ADAM18: variants seen among roughly 807,000 people sequenced by gnomAD.
ADAM18 encodes the protein ADAM metallopeptidase domain 18.
In ADAM18, 117 loss-of-function variants were observed where a neutral mutation model predicts 94.4. The observed-to-expected ratio is 1.24, with a 90% CI of 1.07 to 1.45. The LOEUF is 1.45. Among genes scored for constraint, ADAM18 ranks in the 40% most tolerant of loss-of-function variants. The pLI, the probability that ADAM18 is intolerant of heterozygous loss-of-function variation, is 0.00. For missense variants in ADAM18, 936 were observed against 880.0 expected (o/e 1.06, Z -0.81); for synonymous variants, 327 against 291.6 (o/e 1.12, Z -1.24).
At chr8:39,610,903 G>GTAT (rs1451981586) in intron 6 of ADAM18, 197 bp downstream of exon 6, 1 of 1,232,808 alleles carries the variant, frequency 8.1e-7, no homozygotes, top group Non-Finnish European at 1.0e-6. Context: ...ATTTTATGAT[G>GTAT]TATTATGTAA....
Position 39,606,317 on chromosome 8 carries a change from T to A in ADAM18, c.143T>A (p.Ile48Asn). 4 of 1,550,076 alleles carry A rather than the reference T, an allele frequency of 2.6e-6. No homozygotes were observed. The highest frequency in any genetic ancestry group is 3.5e-6 in the Non-Finnish European group (4 of 1,139,824). Residue 48 changes from isoleucine to asparagine, a missense_variant, in exon 3 of 20, where the codon ATC (isoleucine) becomes AAC (asparagine). Ile to Asn is a moderately radical substitution (Grantham distance 149). Coordinates refer to ENST00000265707, the MANE Select transcript of ADAM18 (RefSeq NM_014237.3). ...SEVSERKMIY[I>N]ITIDGQPYTL... ...TGTGTTTTATTTTAGATGATTTACATCATTACAATTGATGGACAACCTTAC... is the reference window on the plus strand; with the variant it reads ...TGTGTTTTATTTTAGATGATTTACAACATTACAATTGATGGACAACCTTAC...
Position 39,584,617 on chromosome 8 carries a change from T to C in ADAM18, c.-6T>C, listed in dbSNP as rs1162330687. On this transcript the variant is annotated 5_prime_UTR_variant, in exon 1 of 20. Transcript: ENST00000265707. ...TTGGCTGTGGCTCCTGCGCTCTGGCTGAGCCATGTTCCTTCTCCTCGCCCT... is the reference window on the plus strand; with the variant it reads ...TTGGCTGTGGCTCCTGCGCTCTGGCCGAGCCATGTTCCTTCTCCTCGCCCT... 8 of 1,612,792 alleles carry C rather than the reference T, an allele frequency of 5.0e-6. No homozygotes were observed. The highest frequency in any genetic ancestry group is 6.8e-6 in the Non-Finnish European group (8 of 1,180,018).
intron 10 of ADAM18, among the ~76,000 whole-genome samples, chr8:39,640,837 C>T (rs1472903627): frequency 6.7e-6 from 1 of 149,360 alleles, no homozygotes; most frequent in Non-Finnish European, 1.5e-5. Flanking sequence ...TGAGAAGTGT[C>T]TGTTCTTGTC....
chr8:39,589,979 T>C (rs550591538), intron 2 of ADAM18, among the ~76,000 whole-genome samples: 1 of 147,880 alleles, frequency 6.8e-6, no homozygotes, highest in South Asian at 2.2e-4. Context: ...ACTTTTACAC[T>C]GTTGGTGGGA....
At chr8:39,645,952 T>C (rs796320056) in intron 11 of ADAM18, among the ~76,000 whole-genome samples, 6 of 152,264 alleles carry the variant, frequency 3.9e-5, no homozygotes, top group African/African-American at 1.4e-4. Flanking sequence ...GTAATACTTA[T>C]TCCTATTAAA....
At chr8:39,611,060 C>G in intron 6 of ADAM18, 1 of 1,021,588 alleles carries the variant, frequency 9.8e-7, no homozygotes. Context: ...CTGAACATAT[C>G]TTTCTAAAAT....
intron 7 of ADAM18, among the ~76,000 whole-genome samples, chr8:39,635,123 G>A (rs904871023): frequency 6.6e-6 from 1 of 152,170 alleles, no homozygotes; most frequent in Non-Finnish European, 1.5e-5. Context: ...ACAGCAAGAA[G>A]GCCCTCACCA....
intron 18 of ADAM18, among the ~76,000 whole-genome samples, chr8:39,707,282 C>G (rs1487170640): frequency 6.6e-6 from 1 of 152,180 alleles, no homozygotes; most frequent in East Asian, 1.9e-4. Context: ...GCCTCTCCAG[C>G]AATTTTTCTG....
At chr8:39,620,825 G>C (rs1163113250) in intron 6 of ADAM18, among the ~76,000 whole-genome samples, 2 of 151,826 alleles carry the variant, frequency 1.3e-5, no homozygotes, top group Non-Finnish European at 2.9e-5. Context: ...TGCACACAGA[G>C]ATGTAGAGTG....
At chr8:39,637,468 A>T (rs962683907) in intron 8 of ADAM18, 69 bp from the exon 9 acceptor site, 1 of 1,438,394 alleles carries the variant, frequency 7.0e-7, no homozygotes, top group Non-Finnish European at 9.4e-7. Context: ...CATGTTGTTT[A>T]TTTTTTAATG....
intron 17 of ADAM18, among the ~76,000 whole-genome samples, chr8:39,697,608 A>G (rs1271474995): frequency 6.6e-6 from 1 of 151,702 alleles, no homozygotes; most frequent in African/African-American, 2.4e-5. Context: ...GCTTAATCAT[A>G]TATTTACTCT....
At chr8:39,601,552 A>G (rs1332359524) in intron 2 of ADAM18, among the ~76,000 whole-genome samples, 1 of 152,036 alleles carries the variant, frequency 6.6e-6, no homozygotes, top group Non-Finnish European at 1.5e-5. Flanking sequence ...ATTTATGATT[A>G]GCATTTGGAT....
intron 12 of ADAM18, among the ~76,000 whole-genome samples, 193 bp from the exon 13 acceptor site, chr8:39,663,598 CAAAA>C (rs10597769): frequency 0.014 from 265 of 19,540 alleles, no homozygotes; most frequent in African/African-American, 0.065. Flanking sequence ...AATCCTGTCT[CAAAA>C]AAAAAAAAAA....
chr8:39,667,010 C>T (rs937068887), intron 13 of ADAM18, among the ~76,000 whole-genome samples: 1 of 152,084 alleles, frequency 6.6e-6, no homozygotes, highest in South Asian at 2.1e-4. Flanking sequence ...GGTCAGGCCA[C>T]CACAAAATTT....
intron 12 of ADAM18, among the ~76,000 whole-genome samples, chr8:39,649,843 G>A (rs1287642030): frequency 6.6e-6 from 1 of 152,102 alleles, no homozygotes; most frequent in Non-Finnish European, 1.5e-5. Context: ...ATTCTCGGAG[G>A]CATTTTCTAT....
At chr8:39,699,007 G>A (rs1195581178) in intron 17 of ADAM18, among the ~76,000 whole-genome samples, 2 of 151,962 alleles carry the variant, frequency 1.3e-5, no homozygotes, top group African/African-American at 4.8e-5. Context: ...GTATGATCTA[G>A]CCCTTCACAA....
chr8:39,708,838 G>A (rs1822313406), intron 18 of ADAM18, among the ~76,000 whole-genome samples: 1 of 152,226 alleles, frequency 6.6e-6, no homozygotes, highest in South Asian at 2.1e-4. Flanking sequence ...AGGGGCCAAG[G>A]TGCAGGGGCC....
chr8:39,680,372 T>TA (rs1821420919), intron 16 of ADAM18, 146 bp downstream of exon 16: 1 of 828,156 alleles, frequency 1.2e-6, no homozygotes, highest in African/African-American at 1.7e-5. Flanking sequence ...AAATGATAAT[T>TA]AAAACAAGCC....
Position 39,706,789 on chromosome 8 carries a change from G to A in ADAM18, c.1903-1G>A. 1 of 1,557,508 alleles carries A rather than the reference G, an allele frequency of 6.4e-7. No individual in the cohort carries two copies. Among genetic ancestry groups the A allele is most frequent in the Non-Finnish European group, 8.8e-7 (1 of 1,130,904 alleles). ...ACTGTTTCTGTATTTTTCTGTTTCA[G>A]ATATGTAATAATTTTGGTAATTGTC... On this transcript the variant is annotated splice_acceptor_variant, in intron 17 of 19. Transcript: ENST00000265707. LOFTEE classifies it high-confidence loss of function.
Sources: gnomAD v4.1 joint callset for allele counts (sites outside exome capture counted in the v4.1 genomes callset) on GRCh38, gnomAD v4.1.1 for gene constraint, MANE v1.5 for transcripts, NCBI Gene and HGNC (gene_info 2026-07-23, HGNC 2026-07-21) for gene names.